Variants in UFD1 observed in about 807,000 individuals in gnomAD.
UFD1 encodes ubiquitin recognition factor in ER-associated degradation protein 1.
UFD1 carries 13 observed loss-of-function variants against 45.9 expected under a neutral mutation model. That is an observed-to-expected ratio of 0.28 (90% confidence interval 0.18 to 0.45). The LOEUF (loss-of-function observed/expected upper bound fraction) is 0.45. UFD1 is among the 20% of genes least tolerant of loss of function. UFD1 has a pLI of 1.00. For synonymous variants in UFD1, 128 were observed against 139.2 expected, an observed-to-expected ratio of 0.92 and a Z score of 0.56; for missense variants, 218 against 389.2, an observed-to-expected ratio of 0.56 and a Z score of 3.70.
chr22:19,476,833 C>G (rs765209290), intron 1 of UFD1, among the ~76,000 whole-genome samples: 6 of 151,008 alleles, frequency 4.0e-5, no homozygotes, highest in Admixed American at 1.3e-4. Flanking sequence ...ATAGTGAAAC[C>G]CTCTCTCTAC....
chr22:19,457,703 C>T (rs956454793), intron 7 of UFD1, among the ~76,000 whole-genome samples: 10 of 151,998 alleles, frequency 6.6e-5, no homozygotes, highest in African/African-American at 2.2e-4. Flanking sequence ...CCCAGCTACT[C>T]GGGAGGCTGA....
chr22:19,471,263 G>A (rs2089842807), intron 4 of UFD1: 1 of 519,224 alleles, frequency 1.9e-6, no homozygotes, highest in Non-Finnish European at 3.8e-6. Context: ...TCAGTTGAGA[G>A]ATTTGGGAGA....
At position 19,454,259 on chromosome 22, in the gene UFD1, G is replaced by A. The variant is rs1418267082; in HGVS notation, c.849+490C>T. 7.0e-6 allele frequency: 7 copies of A among 997,786 alleles called. No individual in the cohort carries two copies. The South Asian group carries it at 1.8e-4, about 25-fold the overall frequency. The allele number at this position is 997,786 out of a possible 1,614,324, so 61.8% of individuals were successfully genotyped here. ...GAAAAAAACAGGACACCAGGGAGCA[G>A]AGGGACCCTAGGAAAGGGAAAACAT... On this transcript the variant is annotated intron_variant, in intron 11 of 11. Transcript: ENST00000263202.
intron 7 of UFD1, 52 bp downstream of exon 7, chr22:19,458,019 C>T (rs5748213): frequency 6.2e-7 from 1 of 1,603,876 alleles, no homozygotes; most frequent in Non-Finnish European, 8.5e-7. Flanking sequence ...TGGTCACCAA[C>T]TGCCCATCCT....
At chr22:19,456,000 T>C (rs968150057) in intron 9 of UFD1, among the ~76,000 whole-genome samples, 4 of 152,124 alleles carry the variant, frequency 2.6e-5, no homozygotes, top group African/African-American at 9.7e-5. Context: ...CAGCAGTCAG[T>C]GTTGGGTTAA....
chr22:19,475,669 A>G, intron 1 of UFD1, 67 bp from the exon 2 acceptor site: 1 of 1,551,576 alleles, frequency 6.4e-7, no homozygotes, highest in Non-Finnish European at 8.9e-7. Flanking sequence ...AAGCCAAAAC[A>G]TGTCAGAGTA....
At chr22:19,475,217 G>C in intron 2 of UFD1, 117 bp from the exon 3 acceptor site, 1 of 1,126,270 alleles carries the variant, frequency 8.9e-7, no homozygotes. Context: ...AGGGTAGCCA[G>C]AATGTCCCAG....
At position 19,455,718 on chromosome 22, in the gene UFD1, C is replaced by G. The variant is rs1401165572; in HGVS notation, c.729G>C (p.Glu243Asp). 4.3e-6 allele frequency: 7 copies of G among 1,614,096 alleles called. No individual in the cohort carries two copies. ...CAGGCTTGATTGGGGAGGGGCTGGG[C>G]TCTACCCCTTTCTTCTTTCCATCCA... is the stretch of plus-strand genomic sequence containing the variant. ...NRLDGKKKGV[E>D]PSPSPIKPGD... The change falls in exon 10 of 12, where the codon GAG becomes GAC. Residue 243 changes from glutamate to aspartate, a missense_variant. This residue lies in a region of UFD1 where 69 missense variants were observed against 81.7 expected (regional missense o/e 0.84). Coordinates refer to ENST00000263202, the MANE Select transcript of UFD1 (RefSeq NM_005659.7).
Position 19,454,381 on chromosome 22 carries a change from C to T in UFD1, c.849+368G>A, listed in dbSNP as rs113551531. ...GGGACCAGGTGGGAGGTAACTGAGT[C>T]GGTGGGAGGTAACTGAGTCATGAGG... On this transcript the variant is annotated intron_variant, in intron 11 of 11. Coordinates refer to ENST00000263202, the MANE Select transcript of UFD1 (RefSeq NM_005659.7). 6.0e-3 allele frequency: 5,803 copies of T among 960,558 alleles called. 66 individuals are homozygous for T. The highest frequency in any genetic ancestry group is 0.041 in the African/African-American group (2,329 of 56,476). The allele number at this position is 960,558 out of a possible 1,614,324, so 59.5% of individuals were successfully genotyped here.
intron 8 of UFD1, 32 bp downstream of exon 8, chr22:19,456,821 G>C: frequency 6.2e-7 from 1 of 1,614,118 alleles, no homozygotes; most frequent in Middle Eastern, 1.6e-4. Context: ...GCATGCAGCA[G>C]GACAGCAAAG....
In UFD1 at chr22:19,458,057, ACAG is replaced by A; in HGVS notation, c.564+11_564+13del. On this transcript the variant is annotated intron_variant, in intron 7 of 11. Coordinates refer to ENST00000263202, the MANE Select transcript of UFD1 (RefSeq NM_005659.7). ...CAGGGCCCAGGCTCACTGTAACTGG[ACAG>A]AGCCACTCACGTTCATGTCACACTC... 6.2e-7 allele frequency: 1 copy of A among 1,614,026 alleles called. No homozygotes were observed. Among genetic ancestry groups the A allele is most frequent in the South Asian group, 1.1e-5 (1 of 91,084 alleles).
chr22:19,465,325 G>A (rs1237102185), intron 5 of UFD1, 51 bp from the exon 6 acceptor site: 3 of 1,519,566 alleles, frequency 2.0e-6, no homozygotes, highest in African/African-American at 1.4e-5. Context: ...ACCTTAATCT[G>A]AAACAAGTTT....
At chr22:19,454,901 CAA>C (rs2089711229) in intron 10 of UFD1, 71 bp from the exon 11 acceptor site, 4 of 1,515,802 alleles carry the variant, frequency 2.6e-6, no homozygotes. Context: ...TTTTGACAGT[CAA>C]GAGGAACGCA....
chr22:19,467,924 T>G lies in UFD1; in HGVS notation c.371A>C (p.Lys124Thr), dbSNP rs771636950. 3.1e-6 allele frequency: 5 copies of G among 1,614,128 alleles called. No individual in the cohort carries two copies. In the South Asian group the frequency reaches 5.5e-5, roughly 18 times the overall value. ...SVNLQVATYS[K>T]FQPQSPDFLD... ...GAAGTCAGGGCTCTGAGGTTGGAAT[T>G]TGGAGTAGGTGGCCACTTGAAGGTT... Residue 124 changes from lysine (K) to threonine (T), a missense_variant, in exon 5 of 12, where the codon AAA (lysine) becomes ACA (threonine). Around this residue, in one of 2 missense-constraint regions of UFD1, gnomAD observed 149 missense variants for 307.5 expected, o/e 0.48. Coordinates refer to ENST00000263202, the MANE Select transcript of UFD1 (RefSeq NM_005659.7).
chr22:19,466,048 A>G (rs2044923414), intron 5 of UFD1: 1 of 152,240 alleles, frequency 6.6e-6, no homozygotes, highest in Non-Finnish European at 1.5e-5. Context: ...GTGGCTCCAG[A>G]GCCTGCCACT....
chr22:19,453,967 C>T (rs1601885758), intron 11 of UFD1: 1 of 985,602 alleles, frequency 1.0e-6, no homozygotes, highest in Non-Finnish European at 1.2e-6. Flanking sequence ...GACTGCGTTC[C>T]AGTTGCTGCC....
intron 4 of UFD1, chr22:19,470,568 A>G (rs1429582301): frequency 5.5e-6 from 2 of 360,638 alleles, no homozygotes; most frequent in East Asian, 7.4e-5. Flanking sequence ...CGGTCTCCCA[A>G]GTAGCTAGGA....
At chr22:19,463,504 T>G (rs900122324) in intron 6 of UFD1, among the ~76,000 whole-genome samples, 1 of 152,228 alleles carries the variant, frequency 6.6e-6, no homozygotes, top group Non-Finnish European at 1.5e-5. Flanking sequence ...TGTCTCTGCT[T>G]TGGTGTAGTT....
At chr22:19,473,452 C>G (rs1050582535) in intron 3 of UFD1, among the ~76,000 whole-genome samples, 3 of 152,160 alleles carry the variant, frequency 2.0e-5, no homozygotes, top group Non-Finnish European at 4.4e-5. Flanking sequence ...CCTCAATGAC[C>G]CAGCCCCTGA....
Sources: allele counts gnomAD v4.1 joint callset (sites outside exome capture counted in the v4.1 genomes callset), GRCh38; gene constraint gnomAD v4.1.1; regional missense constraint gnomAD v4.1.1; transcripts MANE v1.5; gene names NCBI Gene and HGNC (gene_info 2026-07-23, HGNC 2026-07-21).